Variants in TOX observed in about 807,000 individuals in gnomAD.
The protein encoded by TOX is thymocyte selection associated high mobility group box, also known as thymocyte selection-associated high mobility group box protein TOX.
In TOX, 11 loss-of-function variants were observed where a neutral mutation model predicts 53.7. The observed-to-expected ratio is 0.20, with a 90% CI of 0.13 to 0.34. The LOEUF is 0.34. Ranked by LOEUF, TOX falls within the 10% of genes least tolerant of loss-of-function variation. The pLI is 1.00. For missense variants in TOX, 570 were observed against 664.6 expected (o/e 0.86, Z 1.56); for synonymous variants, 225 against 245.3 (o/e 0.92, Z 0.77).
chr8:58,912,384 A>G (rs1811923576), intron 3 of TOX, among the ~76,000 whole-genome samples: 1 of 152,172 alleles, frequency 6.6e-6, no homozygotes, highest in South Asian at 2.1e-4. Flanking sequence ...AACTCTGCGC[A>G]TGATTCTTTG....
At chr8:58,887,590 T>C (rs990142599) in intron 3 of TOX, among the ~76,000 whole-genome samples, 1 of 151,976 alleles carries the variant, frequency 6.6e-6, no homozygotes, top group African/African-American at 2.4e-5. Context: ...TCTATATAAT[T>C]GTGTTTATTT....
chr8:58,873,340 T>C (rs912903100), intron 3 of TOX, among the ~76,000 whole-genome samples: 3 of 152,298 alleles, frequency 2.0e-5, no homozygotes, highest in Admixed American at 2.0e-4. Flanking sequence ...AAGAATCCTC[T>C]TTCACATTGC....
At chr8:58,960,074 T>C in intron 1 of TOX, 66 bp from the exon 2 acceptor site, 1 of 1,564,036 alleles carries the variant, frequency 6.4e-7, no homozygotes, top group Non-Finnish European at 8.8e-7. Context: ...TTTTATTTGT[T>C]TTGTTTTGTT....
At chr8:59,029,369 G>A (rs1485511515) in intron 1 of TOX, among the ~76,000 whole-genome samples, 1 of 152,076 alleles carries the variant, frequency 6.6e-6, no homozygotes, top group Non-Finnish European at 1.5e-5. Flanking sequence ...AGTAATTTAT[G>A]TTGGATTAAA....
intron 4 of TOX, among the ~76,000 whole-genome samples, chr8:58,848,583 T>C (rs1466449592): frequency 6.6e-6 from 1 of 152,128 alleles, no homozygotes; most frequent in Non-Finnish European, 1.5e-5. Context: ...AAAAATGTGA[T>C]TGTAATGTCA....
chr8:58,884,395 T>C (rs1287057346), intron 3 of TOX, among the ~76,000 whole-genome samples: 6 of 152,138 alleles, frequency 3.9e-5, no homozygotes, highest in Non-Finnish European at 7.4e-5. Context: ...AAACTGATCA[T>C]CATTCCAATG....
chr8:58,837,725 G>T (rs1810570530), intron 5 of TOX, among the ~76,000 whole-genome samples: 1 of 152,184 alleles, frequency 6.6e-6, no homozygotes, highest in African/African-American at 2.4e-5. Context: ...AATAGTAAGT[G>T]CTGAAAAGAG....
At chr8:59,015,009 T>G (rs1813981329) in intron 1 of TOX, among the ~76,000 whole-genome samples, 1 of 152,232 alleles carries the variant, frequency 6.6e-6, no homozygotes, top group Non-Finnish European at 1.5e-5. Flanking sequence ...AGAATTCAGC[T>G]TACTGTTTAA....
intron 1 of TOX, among the ~76,000 whole-genome samples, chr8:59,057,249 AT>A (rs1221138211): frequency 6.6e-6 from 1 of 152,084 alleles, no homozygotes; most frequent in Non-Finnish European, 1.5e-5. Flanking sequence ...ATGCTATAAA[AT>A]TTTCTGTTAC....
chr8:59,014,080 T>A (rs1228038549), intron 1 of TOX, among the ~76,000 whole-genome samples: 4 of 152,178 alleles, frequency 2.6e-5, no homozygotes, highest in Admixed American at 6.5e-5. Context: ...TAGAAATGAA[T>A]AAAGTTTAAA....
intron 1 of TOX, among the ~76,000 whole-genome samples, chr8:59,006,640 G>A (rs1813796573): frequency 6.6e-6 from 1 of 152,030 alleles, no homozygotes; most frequent in Admixed American, 6.6e-5. Flanking sequence ...AATCCTCTAG[G>A]AACTTTTACT....
chr8:59,075,343 C>T (rs1172728008), intron 1 of TOX, among the ~76,000 whole-genome samples: 1 of 152,094 alleles, frequency 6.6e-6, no homozygotes, highest in African/African-American at 2.4e-5. Context: ...GACCTTCCCC[C>T]AAAGCAGGTC....
chr8:58,843,850 C>T (rs948120548), intron 4 of TOX, among the ~76,000 whole-genome samples: 6 of 152,212 alleles, frequency 3.9e-5, no homozygotes, highest in Non-Finnish European at 7.4e-5. Flanking sequence ...GTGAAAAACA[C>T]ATGATCATTG....
At chr8:58,839,678 C>G (rs62505118) in intron 4 of TOX, among the ~76,000 whole-genome samples, 27,323 of 152,216 alleles carry the variant, frequency 0.18, 2,770 homozygotes, top group Non-Finnish European at 0.23. Flanking sequence ...ACATGCCTTG[C>G]CCCCTAACGA....
At chr8:59,087,717 G>A (rs958608934) in intron 1 of TOX, among the ~76,000 whole-genome samples, 8 of 152,282 alleles carry the variant, frequency 5.3e-5, no homozygotes, top group Admixed American at 2.6e-4. Context: ...AAATCACCTT[G>A]AGCTTATAAA....
At chr8:58,977,851 C>T (rs924203912) in intron 1 of TOX, among the ~76,000 whole-genome samples, 4 of 152,096 alleles carry the variant, frequency 2.6e-5, no homozygotes, top group Non-Finnish European at 4.4e-5. Context: ...CTAATAACAT[C>T]AAAGACCACT....
At chr8:58,972,082 T>C (rs1237787056) in intron 1 of TOX, among the ~76,000 whole-genome samples, 1 of 152,162 alleles carries the variant, frequency 6.6e-6, no homozygotes, top group African/African-American at 2.4e-5. Flanking sequence ...AAGAAAATAA[T>C]GGTAAAATCA....
chr8:59,056,017 A>G (rs1803882294), intron 1 of TOX, among the ~76,000 whole-genome samples: 1 of 152,218 alleles, frequency 6.6e-6, no homozygotes, highest in African/African-American at 2.4e-5. Flanking sequence ...GACTGCTCAT[A>G]AACATTTCTC....
intron 2 of TOX, among the ~76,000 whole-genome samples, chr8:58,939,960 A>C (rs1812408957): frequency 6.6e-6 from 1 of 152,206 alleles, no homozygotes; most frequent in African/African-American, 2.4e-5. Context: ...AATAAAAACG[A>C]ATTCCAGAAG....
Sources: gnomAD v4.1 joint callset for allele counts (sites outside exome capture counted in the v4.1 genomes callset) on GRCh38, gnomAD v4.1.1 for gene constraint, MANE v1.5 for transcripts, NCBI Gene and HGNC (gene_info 2026-07-23, HGNC 2026-07-21) for gene names.